The following THSD7B variants were observed in gnomAD, a reference collection of about 807,000 sequenced individuals.
THSD7B encodes the protein thrombospondin type 1 domain containing 7B.
Under a neutral mutation model 213.6 loss-of-function variants are expected in THSD7B, and 138 were observed. That is an observed-to-expected ratio of 0.65 (90% confidence interval 0.56 to 0.74). The LOEUF (loss-of-function observed/expected upper bound fraction) is 0.74. Among genes scored for constraint, THSD7B ranks in the 30% least tolerant of loss-of-function variants. THSD7B has a pLI of 0.00. For missense variants in THSD7B, 1,931 were observed against 1,991.5 expected, an observed-to-expected ratio of 0.97 and a Z score of 0.58; for synonymous variants, 742 against 687.0, an observed-to-expected ratio of 1.08 and a Z score of -1.25.
intron 1 of THSD7B, among the ~76,000 whole-genome samples, chr2:136,877,192 A>AG (rs1326432220): frequency 1.7e-4 from 26 of 152,156 alleles, no homozygotes; most frequent in African/African-American, 5.8e-4. Flanking sequence ...TTACTTGAGG[A>AG]GGGGGACTAC....
At chr2:137,420,915 C>A (rs1444343999) in intron 14 of THSD7B, among the ~76,000 whole-genome samples, 1 of 152,168 alleles carries the variant, frequency 6.6e-6, no homozygotes, top group African/African-American at 2.4e-5. Context: ...CTTTTCCTGG[C>A]CTTTTCCCCT....
intron 12 of THSD7B, among the ~76,000 whole-genome samples, chr2:137,284,614 G>T (rs1358017901): frequency 1.3e-5 from 2 of 152,002 alleles, no homozygotes; most frequent in Non-Finnish European, 2.9e-5. Flanking sequence ...TGTTGTCGTT[G>T]GTTTCAAAGA....
intron 14 of THSD7B, among the ~76,000 whole-genome samples, chr2:137,437,305 TC>T (rs983848065): frequency 4.6e-5 from 7 of 151,948 alleles, no homozygotes; most frequent in African/African-American, 1.5e-4. Flanking sequence ...TGTCTCCCAC[TC>T]CCCCCATGCA....
At chr2:137,071,079 G>A (rs954400758) in intron 3 of THSD7B, among the ~76,000 whole-genome samples, 1 of 152,192 alleles carries the variant, frequency 6.6e-6, no homozygotes, top group Non-Finnish European at 1.5e-5. Context: ...TATATACCCA[G>A]TAATGGAATG....
At chr2:137,161,009 C>T (rs1680009158) in intron 6 of THSD7B, among the ~76,000 whole-genome samples, 1 of 152,122 alleles carries the variant, frequency 6.6e-6, no homozygotes. Flanking sequence ...TTTCGCAAAT[C>T]TATATAATTC....
chr2:136,832,246 C>T (rs1682769793), intron 1 of THSD7B, among the ~76,000 whole-genome samples: 1 of 151,440 alleles, frequency 6.6e-6, no homozygotes, highest in African/African-American at 2.4e-5. Context: ...ACATATATCT[C>T]ACACAGTTAT....
At chr2:137,566,942 A>AATG (rs1681250003) in intron 16 of THSD7B, among the ~76,000 whole-genome samples, 1 of 151,892 alleles carries the variant, frequency 6.6e-6, no homozygotes, top group Non-Finnish European at 1.5e-5. Context: ...AGACCTGAAT[A>AATG]AGCATGAAGA....
At position 137,228,158 on chromosome 2, in the gene THSD7B, T is replaced by TTTTTTC. The variant is rs10624718; in HGVS notation, c.1724-2885_1724-2884insTTTTCT. ...TCACTGTGCAGCTGTTTTTTTTTTTTTCAAGATTTCTTTTAAAATAACTCC... is the reference window on the plus strand; with the variant it reads ...TCACTGTGCAGCTGTTTTTTTTTTTTTTTTTCTCAAGATTTCTTTTAAAATAACTCC... On this transcript the variant is annotated intron_variant, in intron 7 of 27. Transcript: ENST00000409968. 2.1e-3 allele frequency among the ~76,000 whole-genome samples: 308 copies of TTTTTTC among 149,196 alleles called. 2 individuals are homozygous for TTTTTTC. Among genetic ancestry groups the TTTTTTC allele is most frequent in the Middle Eastern group, 3.5e-3 (1 of 288 alleles).
intron 2 of THSD7B, among the ~76,000 whole-genome samples, chr2:136,954,739 T>TAAAAAAAAAAAAAAAAAA (rs1685096840): frequency 8.5e-6 from 1 of 116,982 alleles, no homozygotes; most frequent in African/African-American, 3.7e-5. Flanking sequence ...AAAAAAGAAA[T>TAAAAAAAAAAAAAAAAAA]TACATAAGAG....
intron 15 of THSD7B, among the ~76,000 whole-genome samples, chr2:137,481,203 G>A (rs996696882): frequency 2.6e-5 from 4 of 152,246 alleles, no homozygotes; most frequent in Admixed American, 2.6e-4. Context: ...CAGGTATTTC[G>A]TTATAATAGT....
At chr2:136,838,262 G>A (rs2104953293) in intron 1 of THSD7B, among the ~76,000 whole-genome samples, 1 of 152,208 alleles carries the variant, frequency 6.6e-6, no homozygotes, top group African/African-American at 2.4e-5. Flanking sequence ...CTTGGATTGG[G>A]ATTATAAATT....
At chr2:136,838,155 AT>A (rs1242212405) in intron 1 of THSD7B, among the ~76,000 whole-genome samples, 1 of 152,288 alleles carries the variant, frequency 6.6e-6, no homozygotes, top group Non-Finnish European at 1.5e-5. Flanking sequence ...GTGTAAACTA[AT>A]TTTTTGTGAT....
chr2:137,405,717 C>T lies in THSD7B; in HGVS notation c.2605C>T (p.Arg869Ter), dbSNP rs1398362724. 6 of 1,613,668 alleles carry T rather than the reference C, an allele frequency of 3.7e-6. No homozygotes were observed. Among genetic ancestry groups the T allele is most frequent in the Admixed American group, 1.7e-5 (1 of 59,946 alleles). Residue 869 changes from arginine (R) to a stop codon, truncating the protein, a stop_gained, in exon 13 of 28, where the codon CGA (arginine) becomes TGA (stop). Transcript: ENST00000409968. LOFTEE classifies it high-confidence loss of function. ...LLVQECTVPC[R>*]EDCTFTAWSK... ...TGTGCAAGAATGCACAGTCCCATGT[C>T]GAGAAGACTGCACCTTCACTGCTTG... is the stretch of plus-strand genomic sequence containing the variant.
At chr2:137,199,033 G>C (rs899776155) in intron 7 of THSD7B, among the ~76,000 whole-genome samples, 1 of 152,074 alleles carries the variant, frequency 6.6e-6, no homozygotes, top group Non-Finnish European at 1.5e-5. Context: ...ATAACCATAA[G>C]GGGCAGAGCT....
At chr2:137,392,194 T>C (rs951251020) in intron 12 of THSD7B, among the ~76,000 whole-genome samples, 4 of 152,226 alleles carry the variant, frequency 2.6e-5, no homozygotes, top group Non-Finnish European at 5.9e-5. Flanking sequence ...ATGTTCCATG[T>C]GCTGGTAAGA....
chr2:136,927,585 G>C (rs1267022979), intron 2 of THSD7B, among the ~76,000 whole-genome samples: 2 of 152,202 alleles, frequency 1.3e-5, no homozygotes, highest in Non-Finnish European at 2.9e-5. Flanking sequence ...GCTTAATTTT[G>C]TCAAACTGCA....
chr2:137,021,834 T>A (rs892598414), intron 2 of THSD7B, among the ~76,000 whole-genome samples: 2 of 152,192 alleles, frequency 1.3e-5, no homozygotes, highest in African/African-American at 4.8e-5. Flanking sequence ...AGTGGAATCA[T>A]TCAGTAAGCA....
intron 15 of THSD7B, among the ~76,000 whole-genome samples, chr2:137,487,348 C>T (rs1266572401): frequency 1.2e-3 from 130 of 105,582 alleles, no homozygotes; most frequent in Admixed American, 6.2e-3. Flanking sequence ...GCAGTCCGGC[C>T]TGGGCGACAG....
chr2:137,671,490 G>A (rs1336821446), intron 27 of THSD7B, among the ~76,000 whole-genome samples: 1 of 28,548 alleles, frequency 3.5e-5, no homozygotes, highest in Admixed American at 5.4e-4. Flanking sequence ...GGCTGGAGAG[G>A]CCTCAGGAAA....
Sources: gnomAD v4.1 joint callset for allele counts (sites outside exome capture counted in the v4.1 genomes callset) on GRCh38, gnomAD v4.1.1 for gene constraint, MANE v1.5 for transcripts, NCBI Gene and HGNC (gene_info 2026-07-23, HGNC 2026-07-21) for gene names.